Variants in GMDS observed in about 807,000 individuals in gnomAD.
GMDS encodes the protein GDP-mannose 4,6-dehydratase.
Under a neutral mutation model 49.9 loss-of-function variants are expected in GMDS, and 20 were observed. The observed-to-expected ratio is 0.40, with a 90% CI of 0.28 to 0.58. The LOEUF is 0.58. GMDS is among the 20% of genes least tolerant of loss of function. The pLI is 0.42. For missense variants in GMDS, 362 were observed against 481.4 expected, an observed-to-expected ratio of 0.75 and a Z score of 2.32; for synonymous variants, 177 against 178.6, an observed-to-expected ratio of 0.99 and a Z score of 0.07.
chr6:2,215,660 A>C (rs1780299760), intron 1 of GMDS, among the ~76,000 whole-genome samples: 2 of 152,224 alleles, frequency 1.3e-5, no homozygotes, highest in South Asian at 4.1e-4. Flanking sequence ...TGGGGAGGGA[A>C]GAAAAATAGG....
intron 7 of GMDS, among the ~76,000 whole-genome samples, chr6:1,776,799 C>T (rs183924763): frequency 1.1e-4 from 16 of 152,276 alleles, no homozygotes; most frequent in African/African-American, 3.9e-4. Flanking sequence ...ACTGATTTTG[C>T]TCCTTTCTAT....
intron 1 of GMDS, among the ~76,000 whole-genome samples, chr6:2,155,759 C>T (rs540684704): frequency 1.3e-5 from 2 of 152,286 alleles, no homozygotes; most frequent in African/African-American, 4.8e-5. Flanking sequence ...GCAGCAGCTC[C>T]ATCAAGCTGT....
intron 9 of GMDS, among the ~76,000 whole-genome samples, chr6:1,655,083 A>C (rs1430484784): frequency 6.6e-6 from 1 of 150,996 alleles, no homozygotes; most frequent in African/African-American, 2.4e-5. Context: ...AAAAAATTCC[A>C]CTGATACTTA....
chr6:1,992,144 G>A (rs537588525), intron 4 of GMDS, among the ~76,000 whole-genome samples: 12 of 152,322 alleles, frequency 7.9e-5, no homozygotes, highest in African/African-American at 2.9e-4. Context: ...AGCTGTACCT[G>A]AGCATATATT....
intron 7 of GMDS, among the ~76,000 whole-genome samples, chr6:1,749,523 G>A (rs1767640545): frequency 1.3e-5 from 2 of 152,016 alleles, no homozygotes; most frequent in Non-Finnish European, 2.9e-5. Context: ...AACCCTGGAG[G>A]CGGAGGTGGC....
chr6:1,909,835 C>G (rs1409888280), intron 7 of GMDS, among the ~76,000 whole-genome samples: 1 of 152,134 alleles, frequency 6.6e-6, no homozygotes, highest in Non-Finnish European at 1.5e-5. Context: ...ACAGAAGCAT[C>G]CAGATTTTCT....
intron 1 of GMDS, among the ~76,000 whole-genome samples, chr6:2,180,000 T>C (rs1476875528): frequency 6.6e-6 from 1 of 152,094 alleles, no homozygotes; most frequent in African/African-American, 2.4e-5. Flanking sequence ...CACAATTTCC[T>C]ACCAGTGCCC....
At chr6:1,890,052 T>C (rs186476483) in intron 7 of GMDS, among the ~76,000 whole-genome samples, 56 of 152,300 alleles carry the variant, frequency 3.7e-4, no homozygotes, top group Non-Finnish European at 6.2e-4. Context: ...TTGGCTATTG[T>C]GAATAATGCT....
intron 1 of GMDS, among the ~76,000 whole-genome samples, chr6:2,239,755 G>A (rs931584795): frequency 1.3e-5 from 2 of 150,872 alleles, no homozygotes; most frequent in East Asian, 2.0e-4. Context: ...GCACGATCTC[G>A]GCTCACTGCA....
chr6:2,202,518 A>G (rs1282229685), intron 1 of GMDS, among the ~76,000 whole-genome samples: 10 of 151,816 alleles, frequency 6.6e-5, no homozygotes, highest in Non-Finnish European at 1.3e-4. Context: ...CTTATTTGAC[A>G]ACCTCTTAAT....
At chr6:1,796,200 C>T (rs1306124926) in intron 7 of GMDS, among the ~76,000 whole-genome samples, 2 of 152,056 alleles carry the variant, frequency 1.3e-5, no homozygotes, top group Non-Finnish European at 2.9e-5. Context: ...CACCCAGCCT[C>T]ATAGTTCCTC....
chr6:1,629,603 T>C (rs1013047020), intron 9 of GMDS, among the ~76,000 whole-genome samples: 1 of 152,128 alleles, frequency 6.6e-6, no homozygotes, highest in Non-Finnish European at 1.5e-5. Context: ...GAGGCTGCCG[T>C]GTGGCAATCA....
intron 7 of GMDS, among the ~76,000 whole-genome samples, chr6:1,860,814 G>A (rs1173537892): frequency 2.0e-5 from 3 of 152,166 alleles, no homozygotes; most frequent in Admixed American, 2.0e-4. Context: ...AATAAGCTAA[G>A]AAGTTCTCCA....
intron 4 of GMDS, among the ~76,000 whole-genome samples, chr6:2,030,845 T>C (rs1768910575): frequency 1.3e-5 from 2 of 152,212 alleles, no homozygotes; most frequent in Admixed American, 1.3e-4. Flanking sequence ...ATATAGCATA[T>C]GTTTCACTAA....
intron 7 of GMDS, among the ~76,000 whole-genome samples, chr6:1,757,749 G>A (rs1768002651): frequency 6.6e-6 from 1 of 152,190 alleles, no homozygotes; most frequent in African/African-American, 2.4e-5. Flanking sequence ...GCATTAAGGT[G>A]GATGTAGACA....
rs1776109313 is a variant in GMDS, at chr6:2,138,261, T to A, written c.103-13530A>T. Reference sequence around the variant, plus strand: ...GGAAAGTAATTGAAATGTTTCAAATTTCAAATGGGTCATGTAGTCTATAGG... The same window carrying A: ...GGAAAGTAATTGAAATGTTTCAAATATCAAATGGGTCATGTAGTCTATAGG... On this transcript the variant is annotated intron_variant, in intron 1 of 10. Coordinates refer to ENST00000380815, the MANE Select transcript of GMDS (RefSeq NM_001500.4). 2.6e-5 allele frequency among the ~76,000 whole-genome samples: 4 copies of A among 152,216 alleles called. No individual in the cohort carries two copies. The South Asian group carries it at 8.3e-4, about 32-fold the overall frequency.
At chr6:1,999,140 G>T (rs1766488608) in intron 4 of GMDS, among the ~76,000 whole-genome samples, 1 of 151,954 alleles carries the variant, frequency 6.6e-6, no homozygotes, top group East Asian at 1.9e-4. Context: ...TGGCCAACAT[G>T]GTGAAACCCC....
intron 4 of GMDS, among the ~76,000 whole-genome samples, chr6:2,090,390 C>T (rs952791229): frequency 2.6e-5 from 4 of 152,074 alleles, no homozygotes; most frequent in South Asian, 4.1e-4. Flanking sequence ...GTTTATCTGA[C>T]GATAGTTATA....
chr6:2,158,630 G>A (rs1045352407), intron 1 of GMDS, among the ~76,000 whole-genome samples: 5 of 152,146 alleles, frequency 3.3e-5, no homozygotes, highest in African/African-American at 1.2e-4. Context: ...AACCTCTTTG[G>A]CTATCTGCTG....
Sources: gnomAD v4.1 joint callset for allele counts (sites outside exome capture counted in the v4.1 genomes callset) on GRCh38, gnomAD v4.1.1 for gene constraint, MANE v1.5 for transcripts, NCBI Gene and HGNC (gene_info 2026-07-23, HGNC 2026-07-21) for gene names.